The following SAP130 variants were observed in gnomAD, a reference collection of about 807,000 sequenced individuals.
SAP130 encodes histone deacetylase complex subunit SAP130.
Under a neutral mutation model 103.2 loss-of-function variants are expected in SAP130, and 16 were observed. The ratio of observed to expected loss-of-function variants is 0.16; its 90% confidence interval spans 0.10 to 0.24. The LOEUF is 0.24. Among genes scored for constraint, SAP130 ranks in the 10% least tolerant of loss-of-function variants. The probability of loss-of-function intolerance (pLI) is 1.00; values close to 1 mark genes in which losing one functional copy is unlikely to be tolerated. For synonymous variants in SAP130, 477 were observed against 497.0 expected, an observed-to-expected ratio of 0.96 and a Z score of 0.53; for missense variants, 990 against 1,359.7, an observed-to-expected ratio of 0.73 and a Z score of 4.28.
At chr2:127,946,600 A>G (rs1679091615) in intron 18 of SAP130, among the ~76,000 whole-genome samples, 1 of 152,028 alleles carries the variant, frequency 6.6e-6, no homozygotes, top group South Asian at 2.1e-4. Context: ...AATGTAATGT[A>G]GTCTGACCGC....
At chr2:128,027,194 G>T in intron 1 of SAP130, 6 of 1,229,238 alleles carry the variant, frequency 4.9e-6, no homozygotes, top group Non-Finnish European at 5.1e-6. Flanking sequence ...CGGCGGGCGC[G>T]GGGAGGGATC....
At chr2:127,965,469 T>G (rs1247842282) in intron 15 of SAP130, among the ~76,000 whole-genome samples, 2 of 150,318 alleles carry the variant, frequency 1.3e-5, no homozygotes, top group African/African-American at 4.9e-5. Flanking sequence ...AGATTCTGTC[T>G]CAAAAACAAA....
chr2:128,001,932 C>CT (rs111838724), intron 7 of SAP130, among the ~76,000 whole-genome samples: 4,338 of 145,242 alleles, frequency 0.03, 184 homozygotes, highest in African/African-American at 0.097. Context: ...GTGAAAAAAA[C>CT]TTTTTTTTTT....
intron 2 of SAP130, among the ~76,000 whole-genome samples, chr2:128,023,290 T>G (rs1481593688): frequency 6.6e-6 from 1 of 151,988 alleles, no homozygotes; most frequent in East Asian, 1.9e-4. Flanking sequence ...CACTGTACAA[T>G]TAGCCTGGCC....
Position 127,941,940 on chromosome 2 carries a change from AAC to A in SAP130, c.*64_*65del. On this transcript the variant is annotated 3_prime_UTR_variant, in exon 21 of 21. Coordinates refer to ENST00000643581, the MANE Select transcript of SAP130 (RefSeq NM_001330301.2). ...AATGTTCCACTTTGGAAAAAACCAA[AAC>A]CCTCCCCCCACCCCCACCATCATTC... The A allele has an allele frequency of 5.5e-6, 2 of 364,776 alleles. No homozygotes were observed. Among genetic ancestry groups the A allele is most frequent in the Non-Finnish European group, 1.0e-5 (2 of 193,014 alleles). 22.6% of individuals were successfully genotyped at this position (364,776 alleles called of 1,614,324 possible). A position where few individuals can be genotyped will look rare whatever the true frequency, so the allele number is the denominator to read the frequency against.
intron 2 of SAP130, among the ~76,000 whole-genome samples, chr2:128,019,336 T>C (rs1296481585): frequency 6.6e-6 from 1 of 152,110 alleles, no homozygotes; most frequent in East Asian, 1.9e-4. Flanking sequence ...TCACAGGATA[T>C]CAGCTCACTG....
chr2:128,008,528 C>CTT (rs76018250), intron 7 of SAP130, among the ~76,000 whole-genome samples: 19 of 137,212 alleles, frequency 1.4e-4, no homozygotes, highest in Admixed American at 5.9e-4. Context: ...CCACGCTTAC[C>CTT]TTTTTTTTTT....
In SAP130 at chr2:127,961,248, C is replaced by A. The variant is rs1032340723; in HGVS notation, c.2064-5904G>T. Among the ~76,000 whole-genome samples the A allele has an allele frequency of 2.0e-5, 3 of 151,934 alleles. No homozygotes were observed. The East Asian group carries it at 5.8e-4, about 29-fold the overall frequency. ...CAAGCGATCCACCCATCTCAGCCTCCCCTCCCCAACCCCTCTAGCAGCTGA... is the reference window on the plus strand; with the variant it reads ...CAAGCGATCCACCCATCTCAGCCTCACCTCCCCAACCCCTCTAGCAGCTGA... On this transcript the variant is annotated intron_variant, in intron 15 of 20. Transcript: ENST00000643581.
chr2:127,958,479 G>A (rs1050094964), intron 15 of SAP130, among the ~76,000 whole-genome samples: 17 of 152,276 alleles, frequency 1.1e-4, no homozygotes, highest in South Asian at 2.1e-4. Flanking sequence ...TCATTAAAGC[G>A]TTCAGAAAGA....
intron 7 of SAP130, among the ~76,000 whole-genome samples, chr2:128,007,557 T>G (rs1385461395): frequency 2.6e-5 from 4 of 152,186 alleles, no homozygotes; most frequent in Admixed American, 6.5e-5. Context: ...CAACAAGTAG[T>G]CTATTTTATG....
intron 12 of SAP130, among the ~76,000 whole-genome samples, chr2:127,991,017 G>A (rs1682758465): frequency 6.6e-6 from 1 of 151,498 alleles, no homozygotes; most frequent in Non-Finnish European, 1.5e-5. Context: ...TTGGGAGGCC[G>A]AGGCAGGCGA....
chr2:127,988,552 CA>C (rs1329307527), intron 13 of SAP130, among the ~76,000 whole-genome samples: 10 of 144,828 alleles, frequency 6.9e-5, no homozygotes, highest in South Asian at 2.2e-4. Context: ...TAAATTCAGC[CA>C]AAAAAAAAAT....
chr2:128,008,528 CTTTTT>C (rs76018250), intron 7 of SAP130, among the ~76,000 whole-genome samples: 1 of 137,212 alleles, frequency 7.3e-6, no homozygotes, highest in Non-Finnish European at 1.6e-5. Context: ...CCACGCTTAC[CTTTTT>C]TTTTTTTTTT....
At chr2:127,987,518 C>T (rs1682486872) in intron 13 of SAP130, among the ~76,000 whole-genome samples, 1 of 152,056 alleles carries the variant, frequency 6.6e-6, no homozygotes, top group Non-Finnish European at 1.5e-5. Flanking sequence ...TCTATAATCA[C>T]AGTTACTAAT....
chr2:128,026,116 T>C (rs1685478884), intron 2 of SAP130, 65 bp downstream of exon 2: 1 of 1,103,428 alleles, frequency 9.1e-7, no homozygotes, highest in Admixed American at 2.2e-5. Context: ...TGCTAATTTT[T>C]AAGTTAGAAA....
chr2:127,977,933 T>G (rs1047311000), intron 15 of SAP130, 52 bp downstream of exon 15: 1 of 1,322,262 alleles, frequency 7.6e-7, no homozygotes, highest in Non-Finnish European at 1.1e-6. Flanking sequence ...TCTCCCCAAC[T>G]GCAACGATGT....
chr2:127,981,375 C>T (rs1681884589), intron 14 of SAP130, among the ~76,000 whole-genome samples: 1 of 107,442 alleles, frequency 9.3e-6, no homozygotes, highest in African/African-American at 3.4e-5. Flanking sequence ...GCTCCCTCAC[C>T]CCGACCCAGT....
At chr2:127,972,859 G>A (rs1681188101) in intron 15 of SAP130, among the ~76,000 whole-genome samples, 1 of 152,134 alleles carries the variant, frequency 6.6e-6, no homozygotes, top group Admixed American at 6.6e-5. Context: ...CTTGCACCCA[G>A]GAGTTCAAGG....
intron 16 of SAP130, among the ~76,000 whole-genome samples, chr2:127,952,058 C>T (rs1369229109): frequency 1.3e-5 from 2 of 152,226 alleles, no homozygotes; most frequent in African/African-American, 4.8e-5. Flanking sequence ...CCTCCTCAAA[C>T]AGTGCTCCAG....
Sources: allele counts gnomAD v4.1 joint callset (sites outside exome capture counted in the v4.1 genomes callset), GRCh38; gene constraint gnomAD v4.1.1; transcripts MANE v1.5; gene names NCBI Gene and HGNC (gene_info 2026-07-23, HGNC 2026-07-21).